RPGRIP1: variants seen among roughly 807,000 people sequenced by gnomAD.
RPGRIP1 encodes RPGR interacting protein 1.
In RPGRIP1, 128 loss-of-function variants were observed where a neutral mutation model predicts 157.9. That is an observed-to-expected ratio of 0.81 (90% confidence interval 0.70 to 0.94). RPGRIP1 has a LOEUF of 0.94. Ranked by LOEUF, RPGRIP1 falls within the 40% of genes least tolerant of loss-of-function variation. The probability of loss-of-function intolerance (pLI) is 0.00; values close to 1 mark genes in which losing one functional copy is unlikely to be tolerated. For missense variants in RPGRIP1, 1,486 were observed against 1,545.8 expected (o/e 0.96, Z 0.65); for synonymous variants, 554 against 571.6 (o/e 0.97, Z 0.44).
At position 21,334,710 on chromosome 14, in the gene RPGRIP1, G is replaced by A. The variant is rs1057518122; in HGVS notation, c.3339+5G>A. On this transcript the variant is annotated splice_donor_5th_base_variant and intron_variant, in intron 21 of 24. Coordinates refer to ENST00000400017, the MANE Select transcript of RPGRIP1 (RefSeq NM_020366.4). Reference sequence around the variant, plus strand: ...TCTCAGAAATATCCTAAGGCAGTAAGTACACTGGAGTAATCATTGCATACG... The same window carrying A: ...TCTCAGAAATATCCTAAGGCAGTAAATACACTGGAGTAATCATTGCATACG... The A allele has an allele frequency of 1.3e-6, 2 of 1,519,944 alleles. No homozygotes were observed. The highest frequency in any genetic ancestry group is 9.1e-7 in the Non-Finnish European group (1 of 1,103,966). 94.2% of individuals were successfully genotyped at this position (1,519,944 alleles called of 1,614,324 possible).
chr14:21,312,778 T>C (rs918186784), intron 10 of RPGRIP1, among the ~76,000 whole-genome samples: 4 of 151,428 alleles, frequency 2.6e-5, no homozygotes, highest in Admixed American at 2.6e-4. Context: ...AACCTCTACC[T>C]CCCGGGTTCA....
intron 18 of RPGRIP1, 131 bp downstream of exon 18, chr14:21,327,938 G>A: frequency 3.1e-6 from 2 of 643,922 alleles, no homozygotes; most frequent in Admixed American, 3.6e-5. Flanking sequence ...GGAGGCCATG[G>A]CAGGCGAATT....
rs151259707 is a variant in RPGRIP1 at position 21,308,772 on chromosome 14, A to G, written c.906+936A>G. On this transcript the variant is annotated intron_variant, in intron 7 of 24. Coordinates refer to ENST00000400017, the MANE Select transcript of RPGRIP1 (RefSeq NM_020366.4). ...AGAGGGGAGACCTCATGTGCCGGGA[A>G]AAGTGGCTGCTTATATGAGTAGGCA... Among the ~76,000 whole-genome samples the G allele has an allele frequency of 2.2e-4, 34 of 152,326 alleles. No homozygotes were observed. The East Asian group carries it at 4.8e-3, about 22-fold the overall frequency.
chr14:21,306,187 A>G (rs1204519237), intron 6 of RPGRIP1, among the ~76,000 whole-genome samples: 2 of 111,880 alleles, frequency 1.8e-5, no homozygotes, highest in Non-Finnish European at 3.3e-5. Flanking sequence ...GCTGAAGTGT[A>G]GTGGCACCTT....
chr14:21,342,887 C>T, intron 21 of RPGRIP1, 149 bp from the exon 22 acceptor site: 2 of 510,302 alleles, frequency 3.9e-6, no homozygotes, highest in Non-Finnish European at 6.7e-6. Flanking sequence ...CCAGTTTTAC[C>T]TATAAAAGGA....
At chr14:21,283,259 T>C (rs1209078267) in intron 1 of RPGRIP1, among the ~76,000 whole-genome samples, 1 of 152,116 alleles carries the variant, frequency 6.6e-6, no homozygotes, top group Non-Finnish European at 1.5e-5. Context: ...ACTAGGAAGG[T>C]GGGTGACTAA....
intron 1 of RPGRIP1, among the ~76,000 whole-genome samples, chr14:21,281,419 T>G (rs1880120186): frequency 6.6e-6 from 1 of 152,108 alleles, no homozygotes; most frequent in Non-Finnish European, 1.5e-5. Context: ...CCAGGCGTGT[T>G]GGCTCACACC....
intron 22 of RPGRIP1, among the ~76,000 whole-genome samples, chr14:21,343,866 GTTTT>G (rs67535379): frequency 4.0e-5 from 2 of 50,428 alleles, no homozygotes; most frequent in Admixed American, 2.7e-4. Flanking sequence ...CTCTTTTCCT[GTTTT>G]TTTTTTTTTT....
At chr14:21,312,324 T>C (rs755730792) in intron 9 of RPGRIP1, 109 bp from the exon 10 acceptor site, 16 of 680,258 alleles carry the variant, frequency 2.4e-5, no homozygotes, top group South Asian at 4.2e-5. Context: ...ACACTGGAGA[T>C]GGTGATAGAA....
At chr14:21,309,679 T>C (rs1798350358) in intron 7 of RPGRIP1, among the ~76,000 whole-genome samples, 2 of 152,154 alleles carry the variant, frequency 1.3e-5, no homozygotes, top group African/African-American at 4.8e-5. Context: ...AGAATTTTTT[T>C]TCTCGTTGTC....
chr14:21,310,739 T>G, intron 8 of RPGRIP1, 132 bp downstream of exon 8: 1 of 653,662 alleles, frequency 1.5e-6, no homozygotes. Flanking sequence ...GTCATATAGT[T>G]TCTGTTAAAA....
chr14:21,289,084 T>G (rs1346979095), intron 2 of RPGRIP1, among the ~76,000 whole-genome samples: 1 of 152,050 alleles, frequency 6.6e-6, no homozygotes, highest in Non-Finnish European at 1.5e-5. Context: ...TCCCAGCATT[T>G]TGGGAGGCCG....
intron 23 of RPGRIP1, among the ~76,000 whole-genome samples, chr14:21,346,880 T>A (rs540623225): frequency 2.0e-5 from 3 of 152,316 alleles, no homozygotes; most frequent in African/African-American, 7.2e-5. Context: ...TTTTGTTTCA[T>A]CTGCTTTTAC....
In RPGRIP1 at chr14:21,321,966, T is replaced by C. The variant is rs1209280970; in HGVS notation, c.1724T>C (p.Leu575Pro). 4 of 1,613,814 alleles carry C rather than the reference T, an allele frequency of 2.5e-6. No homozygotes were observed. The South Asian group carries it at 4.4e-5, about 18-fold the overall frequency. Residue 575 changes from leucine to proline, a missense_variant, in exon 14 of 25, where the codon CTG (leucine) becomes CCG (proline). Coordinates refer to ENST00000400017, the MANE Select transcript of RPGRIP1 (RefSeq NM_020366.4). The stretch of plus-strand genomic sequence containing the variant: ...CTCAAGAATAACCGTATCAAGCAGC[T>C]GGAAGGTATTTTAAGAAGCCATGAC... ...LDLKNNRIKQ[L>P]EGILRSHDLP...
chr14:21,325,731 G>A, intron 16 of RPGRIP1, 100 bp from the exon 17 acceptor site: 1 of 880,572 alleles, frequency 1.1e-6, no homozygotes. Flanking sequence ...TGGGATAGCT[G>A]TTCTCTAGAT....
chr14:21,299,577 T>C (rs1196197881), intron 3 of RPGRIP1, among the ~76,000 whole-genome samples: 1 of 152,132 alleles, frequency 6.6e-6, no homozygotes, highest in Non-Finnish European at 1.5e-5. Flanking sequence ...TTCTAAGCAT[T>C]TTACATATAT....
At chr14:21,293,166 G>A (rs1434216925) in intron 2 of RPGRIP1, among the ~76,000 whole-genome samples, 2 of 151,776 alleles carry the variant, frequency 1.3e-5, no homozygotes, top group African/African-American at 2.4e-5. Context: ...GTAAATAAAC[G>A]CAAAAAAATA....
At chr14:21,349,289 C>T (rs1234868984) in intron 24 of RPGRIP1, among the ~76,000 whole-genome samples, 4 of 151,486 alleles carry the variant, frequency 2.6e-5, no homozygotes, top group Non-Finnish European at 4.4e-5. Context: ...AGGCTGGTCT[C>T]GAACTCTTGG....
chr14:21,293,771 C>T (rs900830333), intron 2 of RPGRIP1, among the ~76,000 whole-genome samples: 4 of 151,842 alleles, frequency 2.6e-5, no homozygotes, highest in African/African-American at 7.3e-5. Context: ...CCCAGGTACT[C>T]GGGAGGCTGA....
Sources: gnomAD v4.1 joint callset for allele counts (sites outside exome capture counted in the v4.1 genomes callset) on GRCh38, gnomAD v4.1.1 for gene constraint, MANE v1.5 for transcripts, NCBI Gene and HGNC (gene_info 2026-07-23, HGNC 2026-07-21) for gene names.